Variants in BTNL2 observed in about 807,000 individuals in gnomAD.
The protein encoded by BTNL2 is butyrophilin-like protein 2.
In BTNL2, 46 loss-of-function variants were observed where a neutral mutation model predicts 46.8. The observed-to-expected ratio is 0.98, with a 90% confidence interval of 0.78 to 1.26. The LOEUF is 1.26. BTNL2 is among the 50% of genes most tolerant of loss of function. The probability of loss-of-function intolerance (pLI) is 0.00; values close to 1 mark genes in which losing one functional copy is unlikely to be tolerated. For missense variants in BTNL2, 461 were observed against 592.6 expected (o/e 0.78, Z 2.31); for synonymous variants, 226 against 229.1 (o/e 0.99, Z 0.12).
In BTNL2 at chr6:32,399,755, G is replaced by T. The variant is rs1458327358; in HGVS notation, c.730+2030C>A. ...CCATAACATATTCAGCATCGTGCCT[G>T]GCATACAATTAATATTTTTAAAAAC... On this transcript the variant is annotated intron_variant, in intron 4 of 7. Transcript: ENST00000454136. This position sits in a 1 kb window ranked among gnomAD's most constrained non-coding sequence, Gnocchi z 5.2. Among the ~76,000 whole-genome samples the T allele has an allele frequency of 6.6e-6, 1 of 152,084 alleles. No individual in the cohort carries two copies. The highest frequency in any genetic ancestry group is 2.4e-5 in the African/African-American group (1 of 41,404).
At chr6:32,404,432 C>T (rs1776981954) in intron 2 of BTNL2, among the ~76,000 whole-genome samples, 1 of 152,206 alleles carries the variant, frequency 6.6e-6, no homozygotes, top group Non-Finnish European at 1.5e-5. Context: ...ATTCATTGAA[C>T]ACTAGTATAT....
At position 32,399,576 on chromosome 6, in the gene BTNL2, G is replaced by C. The variant is rs117543429; in HGVS notation, c.730+2209C>G. 0.017 allele frequency among the ~76,000 whole-genome samples: 2,664 copies of C among 152,266 alleles called. 76 individuals are homozygous for C. Among genetic ancestry groups the C allele is most frequent in the East Asian group, 0.11 (563 of 5,168 alleles). On this transcript the variant is annotated intron_variant, in intron 4 of 7. Coordinates refer to ENST00000454136, the MANE Select transcript of BTNL2 (RefSeq NM_001304561.2). The surrounding 1 kb of genome is among the most constrained non-coding windows in gnomAD (Gnocchi z 5.2). ...ACATAAGTAATTAAGGACTTGCACT[G>C]TTAAGTTAGATAGATGTAGATTAGA...
chr6:32,394,188 G>A lies in BTNL2; in HGVS notation c.1361-131C>T. ...TGGCCTCCCAGGAAGCAGTTGGCCT[G>A]CTCCTCCCTGCTCTGGAGATGCAGA... On this transcript the variant is annotated intron_variant, in intron 6 of 7. Coordinates refer to ENST00000454136, the MANE Select transcript of BTNL2 (RefSeq NM_001304561.2). This position sits in a 1 kb window ranked among gnomAD's most constrained non-coding sequence, Gnocchi z 4.6. The A allele has an allele frequency of 1.2e-5, 15 of 1,260,170 alleles. No individual in the cohort carries two copies. Among genetic ancestry groups the A allele is most frequent in the Non-Finnish European group, 1.4e-5 (13 of 927,826 alleles). The allele number at this position is 1,260,170 out of a possible 1,614,324, so 78.1% of individuals were successfully genotyped here.
intron 1 of BTNL2, 107 bp from the exon 2 acceptor site, chr6:32,405,393 G>C (rs1337607445): frequency 3.0e-6 from 3 of 997,926 alleles, no homozygotes; most frequent in South Asian, 1.4e-5. Flanking sequence ...AAGAGGGAGA[G>C]ATATATGTTT....
Position 32,396,220 on chromosome 6 carries a change from A to G in BTNL2, c.897T>C (p.His299=). The change falls in exon 5 of 8, where the codon CAT becomes CAC. Residue 299 remains histidine, a synonymous_variant. Transcript: ENST00000454136. The surrounding 1 kb of genome is among the most constrained non-coding windows in gnomAD (Gnocchi z 4.4). The stretch of plus-strand genomic sequence containing the variant: ...ACTCTGCCATCTGCTCTCCAGCCAC[A>G]TGGTCCCCATCCATATACACATGCA... ...PAVHVYMDGD[H]VAGEQMAEYR... The G allele has an allele frequency of 1.2e-6, 2 of 1,613,056 alleles. No homozygotes were observed. The highest frequency in any genetic ancestry group is 1.7e-6 in the Non-Finnish European group (2 of 1,180,026).
rs1776279688 is a variant in BTNL2 at position 32,393,999 on chromosome 6, C to T, written c.1419G>A (p.Val473=). 1.9e-6 allele frequency: 3 copies of T among 1,550,240 alleles called. No individual in the cohort carries two copies. Among genetic ancestry groups the T allele is most frequent in the Non-Finnish European group, 2.6e-6 (3 of 1,146,746 alleles). ...TLLVWGLLLA[V]AVGLPRKRS is the part of the protein sequence containing the mutation. ...TCCTCTTCCTGGGCAGGCCTACAGC[C>T]ACAGCAAGAAGCAATCCCCAAACAA... The change falls in exon 7 of 8, where the codon GTG becomes GTA. Residue 473 remains valine, a synonymous_variant. Transcript: ENST00000454136. This position sits in a 1 kb window ranked among gnomAD's most constrained non-coding sequence, Gnocchi z 4.8.
chr6:32,400,244 T>G (rs1776668869), intron 4 of BTNL2, among the ~76,000 whole-genome samples: 1 of 152,128 alleles, frequency 6.6e-6, no homozygotes, highest in Non-Finnish European at 1.5e-5. Flanking sequence ...GGGTTGAAGG[T>G]GCCATAGTAG....
intron 1 of BTNL2, 200 bp downstream of exon 1, chr6:32,406,845 A>T (rs3763307): frequency 0.24 from 121,551 of 498,656 alleles, 15,828 homozygotes; most frequent in Admixed American, 0.31. Flanking sequence ...TGAGGTGCTC[A>T]AGTAACTTTC....
intron 4 of BTNL2, among the ~76,000 whole-genome samples, chr6:32,397,850 T>C (rs766514064): frequency 1.3e-5 from 2 of 152,234 alleles, no homozygotes; most frequent in Non-Finnish European, 2.9e-5. Flanking sequence ...AGCTTTCCTC[T>C]AGGTGGACTT....
Position 32,401,809 on chromosome 6 carries a change from GAA to G in BTNL2, c.710-6_710-5del, listed in dbSNP as rs148573746. On this transcript the variant is annotated splice_region_variant and splice_polypyrimidine_tract_variant and intron_variant, in intron 3 of 7. Transcript: ENST00000454136. ...CCCAGCTCAGTCTGGAGTTTCTCTG[GAA>G]AAAGAACAAGAATAACATATTAAGG... 21,537 of 1,605,506 alleles carry G rather than the reference GAA, an allele frequency of 0.013. 987 individuals carry two copies. The East Asian group carries it at 0.15, about 11-fold the overall frequency.
chr6:32,405,259 T>G lies in BTNL2; in HGVS notation c.107A>C (p.His36Pro). The stretch of plus-strand genomic sequence containing the variant: ...TTCCCCAACCCCGGCCAGGATAGGA[T>G]GAGCAGGGCCAATGACTCTAAAGTC... The part of the protein sequence containing the change: ...SEDFRVIGPA[H>P]PILAGVGEDA... Residue 36 changes from histidine (H) to proline (P), a missense_variant, in exon 2 of 8, where the codon CAT (histidine) becomes CCT (proline). Coordinates refer to ENST00000454136, the MANE Select transcript of BTNL2 (RefSeq NM_001304561.2). 1 of 1,612,976 alleles carries G rather than the reference T, an allele frequency of 6.2e-7. No homozygotes were observed. The highest frequency in any genetic ancestry group is 8.5e-7 in the Non-Finnish European group (1 of 1,180,014).
At position 32,394,190 on chromosome 6, in the gene BTNL2, T is replaced by C; in HGVS notation, c.1361-133A>G. 7.9e-7 allele frequency: 1 copy of C among 1,260,034 alleles called. No individual in the cohort carries two copies. The highest frequency in any genetic ancestry group is 1.1e-6 in the Non-Finnish European group (1 of 927,208). The allele number at this position is 1,260,034 out of a possible 1,614,324, so 78.1% of individuals were successfully genotyped here. A position where few individuals can be genotyped will look rare whatever the true frequency, so the allele number is the denominator to read the frequency against. On this transcript the variant is annotated intron_variant, in intron 6 of 7. Transcript: ENST00000454136. The surrounding 1 kb of genome is among the most constrained non-coding windows in gnomAD (Gnocchi z 4.6). Reference sequence around the variant, plus strand: ...GCCTCCCAGGAAGCAGTTGGCCTGCTCCTCCCTGCTCTGGAGATGCAGAGG... The same window carrying C: ...GCCTCCCAGGAAGCAGTTGGCCTGCCCCTCCCTGCTCTGGAGATGCAGAGG...
At chr6:32,398,175 T>G (rs1387361825) in intron 4 of BTNL2, among the ~76,000 whole-genome samples, 1 of 152,180 alleles carries the variant, frequency 6.6e-6, no homozygotes, top group African/African-American at 2.4e-5. Context: ...CTATTCTAAA[T>G]TAAGTGTCGT....
chr6:32,401,827 C>T, intron 3 of BTNL2, 22 bp from the exon 4 acceptor site: 1 of 1,605,702 alleles, frequency 6.2e-7, no homozygotes, highest in Non-Finnish European at 8.5e-7. Flanking sequence ...ACAAGAATAA[C>T]ATATTAAGGA....
chr6:32,400,760 A>AAAAAAAAAAAAAAAAC (rs1390075841), intron 4 of BTNL2, among the ~76,000 whole-genome samples: 8 of 115,898 alleles, frequency 6.9e-5, no homozygotes, highest in African/African-American at 9.2e-5. Flanking sequence ...AAAAAAAAAA[A>AAAAAAAAAAAAAAAAC]AAATTAGCTG....
At chr6:32,405,309 G>A in intron 1 of BTNL2, 23 bp from the exon 2 acceptor site, 3 of 1,608,690 alleles carry the variant, frequency 1.9e-6, no homozygotes, top group Non-Finnish European at 2.5e-6. Context: ...TGAAAAAGAG[G>A]AACGAGGAAA....
In BTNL2 at chr6:32,396,641, A is replaced by AT. The variant is rs1776473964; in HGVS notation, c.731-256dup. ...TGAATCCCTACCTGCTTCTACCTGT[A>AT]TTTTTTTCAGTTTACAGACCAATAA... On this transcript the variant is annotated intron_variant, in intron 4 of 7. Transcript: ENST00000454136. The surrounding 1 kb of genome is among the most constrained non-coding windows in gnomAD (Gnocchi z 4.4). 6.6e-6 allele frequency among the ~76,000 whole-genome samples: 1 copy of AT among 152,000 alleles called. No homozygotes were observed. The highest frequency in any genetic ancestry group is 2.4e-5 in the African/African-American group (1 of 41,404).
In BTNL2 at chr6:32,394,794, A is replaced by G. The variant is rs955895092; in HGVS notation, c.1310T>C (p.Ile437Thr). The change falls in exon 6 of 8, where the codon ATC becomes ACC. Residue 437 changes from isoleucine to threonine, a missense_variant. Coordinates refer to ENST00000454136, the MANE Select transcript of BTNL2 (RefSeq NM_001304561.2). This position sits in a 1 kb window ranked among gnomAD's most constrained non-coding sequence, Gnocchi z 4.6. ...NISAVDVTCS[I>T]SIPFLGEEKI... Reference sequence around the variant, plus strand: ...CTCCTCGCCCAAAAAGGGGATGCTGATGGAACAAGTGACGTCCACAGCGGA... The same window carrying G: ...CTCCTCGCCCAAAAAGGGGATGCTGGTGGAACAAGTGACGTCCACAGCGGA... 1.9e-6 allele frequency: 3 copies of G among 1,614,120 alleles called. No homozygotes were observed. Among genetic ancestry groups the G allele is most frequent in the Non-Finnish European group, 2.5e-6 (3 of 1,179,954 alleles).
intron 2 of BTNL2, 150 bp from the exon 3 acceptor site, chr6:32,403,366 G>T: frequency 2.5e-6 from 2 of 812,578 alleles, no homozygotes; most frequent in Non-Finnish European, 3.8e-6. Context: ...CCATTCAAAT[G>T]TGAGTTCAGA....
Sources: allele counts gnomAD v4.1 joint callset (sites outside exome capture counted in the v4.1 genomes callset), GRCh38; gene constraint gnomAD v4.1.1; non-coding constraint Gnocchi (gnomAD v3.1); transcripts MANE v1.5; gene names NCBI Gene and HGNC (gene_info 2026-07-23, HGNC 2026-07-21).